ALMS1: variants seen among roughly 807,000 people sequenced by gnomAD.
ALMS1 encodes centrosome-associated protein ALMS1.
In ALMS1, 271 loss-of-function variants were observed where a neutral mutation model predicts 352.2. That is an observed-to-expected ratio of 0.77 (90% CI 0.70 to 0.85). ALMS1 has a LOEUF of 0.85. ALMS1 is among the 40% of genes least tolerant of loss of function. ALMS1 has a pLI of 0.00. For synonymous variants in ALMS1, 1,865 were observed against 1,761.2 expected (o/e 1.06, Z -1.48); for missense variants, 5,445 against 4,870.7 (o/e 1.12, Z -3.51).
chr2:73,594,288 G>A (rs1335323465), intron 16 of ALMS1, among the ~76,000 whole-genome samples: 1 of 152,050 alleles, frequency 6.6e-6, no homozygotes, highest in African/African-American at 2.4e-5. Flanking sequence ...TAATTATATT[G>A]GGTTGAGAGA....
Position 73,490,399 on chromosome 2 carries a change from A to G in ALMS1, c.8440A>G (p.Arg2814Gly). ...TTTTCAAGAAGAAAAACCCTTAGAA[A>G]GATCAGATTTTACAGGCAGTCATTC... ...RSFQEEKPLERSDFTGSHSEP... is the reference protein window; with the variant it reads ...RSFQEEKPLEGSDFTGSHSEP... The change falls in exon 10 of 23, where the codon AGA becomes GGA. Residue 2814 changes from arginine (R) to glycine (G), a missense_variant. By Grantham distance (125) the Arg-to-Gly change is moderately radical (BLOSUM62 -2). Coordinates refer to ENST00000613296, the MANE Select transcript of ALMS1 (RefSeq NM_001378454.1). 6.2e-7 allele frequency: 1 copy of G among 1,614,132 alleles called. No individual in the cohort carries two copies. Among genetic ancestry groups the G allele is most frequent in the Non-Finnish European group, 8.5e-7 (1 of 1,180,018 alleles).
chr2:73,485,940 G>A (rs1034109793), intron 9 of ALMS1, among the ~76,000 whole-genome samples: 1 of 151,810 alleles, frequency 6.6e-6, no homozygotes, highest in Non-Finnish European at 1.5e-5. Flanking sequence ...TCTCGCACAC[G>A]GTGCGCGCAC....
At chr2:73,387,482 G>T (rs1236115368) in intron 1 of ALMS1, among the ~76,000 whole-genome samples, 1 of 152,190 alleles carries the variant, frequency 6.6e-6, no homozygotes, top group Admixed American at 6.5e-5. Flanking sequence ...GACAGTTTAA[G>T]GTTAATCAGG....
At chr2:73,587,280 T>A (rs1314926619) in intron 16 of ALMS1, among the ~76,000 whole-genome samples, 1 of 152,186 alleles carries the variant, frequency 6.6e-6, no homozygotes, top group Non-Finnish European at 1.5e-5. Context: ...TTTTCTCTTG[T>A]CTGATTGCTT....
intron 9 of ALMS1, among the ~76,000 whole-genome samples, chr2:73,484,808 G>C (rs1030068596): frequency 1.3e-5 from 2 of 151,250 alleles, no homozygotes; most frequent in African/African-American, 2.4e-5. Flanking sequence ...TTCCCTTCTC[G>C]CTTCATTTCA....
chr2:73,519,964 G>C lies in ALMS1; in HGVS notation c.9729G>C (p.Lys3243Asn). ...GNQKLRKAPV[K>N]FASSSSVQQV... ...AGAAGCTACGCAAAGCTCCTGTCAAGTTTGCCTCATCATCTTCAGTCCAAC... is the reference window on the plus strand; with the variant it reads ...AGAAGCTACGCAAAGCTCCTGTCAACTTTGCCTCATCATCTTCAGTCCAAC... The change falls in exon 11 of 23, where the codon AAG becomes AAC. Residue 3243 changes from lysine (K) to asparagine (N), a missense_variant. Physicochemically the swap from Lys to Asn is moderately conservative, Grantham distance 94. Transcript: ENST00000613296. The C allele has an allele frequency of 6.2e-7, 1 of 1,614,086 alleles. No individual in the cohort carries two copies. Among genetic ancestry groups the C allele is most frequent in the Admixed American group, 1.7e-5 (1 of 60,012 alleles).
chr2:73,514,541 C>A (rs1160846125), intron 10 of ALMS1, among the ~76,000 whole-genome samples: 1 of 152,108 alleles, frequency 6.6e-6, no homozygotes, highest in Non-Finnish European at 1.5e-5. Flanking sequence ...GAACAAACAA[C>A]ATTCTTTTCC....
chr2:73,417,878 C>T (rs749905558), intron 2 of ALMS1, among the ~76,000 whole-genome samples: 2 of 152,038 alleles, frequency 1.3e-5, no homozygotes, highest in Admixed American at 6.6e-5. Flanking sequence ...GTATTTAATA[C>T]GACTTTAATT....
At chr2:73,485,517 G>A (rs1291675909) in intron 9 of ALMS1, among the ~76,000 whole-genome samples, 2 of 152,350 alleles carry the variant, frequency 1.3e-5, no homozygotes, top group South Asian at 2.1e-4. Context: ...AGAGGTTACT[G>A]CTGCTTTTTG....
intron 7 of ALMS1, among the ~76,000 whole-genome samples, chr2:73,435,603 T>G (rs1671589799): frequency 6.6e-6 from 1 of 151,708 alleles, no homozygotes; most frequent in South Asian, 2.1e-4. Context: ...TGCCTTTAAG[T>G]TTTTGTTTTT....
At chr2:73,517,393 A>G (rs1427668569) in intron 10 of ALMS1, among the ~76,000 whole-genome samples, 2 of 151,718 alleles carry the variant, frequency 1.3e-5, no homozygotes, top group South Asian at 2.1e-4. Context: ...TGCTGGGACT[A>G]TAGGCGCATG....
chr2:73,494,731 T>C (rs529147017), intron 10 of ALMS1, among the ~76,000 whole-genome samples: 96 of 152,368 alleles, frequency 6.3e-4, no homozygotes, highest in African/African-American at 2.2e-3. Context: ...TATGTTGATA[T>C]ACATTACTGG....
chr2:73,529,384 A>G (rs1012732380), intron 11 of ALMS1, among the ~76,000 whole-genome samples: 7 of 152,118 alleles, frequency 4.6e-5, no homozygotes, highest in African/African-American at 1.7e-4. Flanking sequence ...AAGGTTCCAC[A>G]TCTCTGTTTC....
At chr2:73,600,934 C>G in intron 18 of ALMS1, 53 bp downstream of exon 18, 4 of 1,561,460 alleles carry the variant, frequency 2.6e-6, no homozygotes, top group Non-Finnish European at 3.5e-6. Flanking sequence ...ATTTCAAGTC[C>G]CCTGCGATGC....
rs547563359 is a variant in ALMS1, at chr2:73,449,104, G to A, written c.2577G>A (p.Ala859=). 3.9e-5 allele frequency: 63 copies of A among 1,613,606 alleles called. No individual in the cohort carries two copies. The highest frequency in any genetic ancestry group is 1.1e-4 in the East Asian group (5 of 44,834). The stretch of plus-strand genomic sequence containing the variant: ...CAGCTGTAACCTCTACTTCCTCTGC[G>A]TCCTCTTCACTTGGAGAAAAGCCCA... The part of the protein sequence containing the change: ...GTPAVTSTSS[A]SSSLGEKPSA... The change falls in exon 8 of 23, where the codon GCG becomes GCA. Residue 859 remains alanine (A), a synonymous_variant. Coordinates refer to ENST00000613296, the MANE Select transcript of ALMS1 (RefSeq NM_001378454.1).
chr2:73,481,557 C>T (rs1157200037), intron 9 of ALMS1, among the ~76,000 whole-genome samples: 1 of 151,868 alleles, frequency 6.6e-6, no homozygotes, highest in Non-Finnish European at 1.5e-5. Flanking sequence ...CTTGGCGATG[C>T]AGGCTCTTTT....
At chr2:73,540,607 G>T (rs533596040) in intron 12 of ALMS1, among the ~76,000 whole-genome samples, 1 of 152,140 alleles carries the variant, frequency 6.6e-6, no homozygotes, top group African/African-American at 2.4e-5. Context: ...AGACCCATCC[G>T]TGTGCTGTAT....
At chr2:73,430,627 T>G (rs1405757785) in intron 6 of ALMS1, among the ~76,000 whole-genome samples, 1 of 152,188 alleles carries the variant, frequency 6.6e-6, no homozygotes, top group Non-Finnish European at 1.5e-5. Flanking sequence ...ATACTGTATT[T>G]TTACTGTACC....
rs150812565 is a variant in ALMS1, at chr2:73,579,760, G to A, written c.11547+6336G>A. Among the ~76,000 whole-genome samples the A allele has an allele frequency of 2.3e-4, 35 of 152,132 alleles. No homozygotes were observed. The East Asian group carries it at 4.8e-3, about 21-fold the overall frequency. On this transcript the variant is annotated intron_variant, in intron 16 of 22. Transcript: ENST00000613296. ...TGAGAAATTAGCAATTAATTTTACCGAGGATCCCTTCTGTGCTCGCCCTTA... is the reference window on the plus strand; with the variant it reads ...TGAGAAATTAGCAATTAATTTTACCAAGGATCCCTTCTGTGCTCGCCCTTA...
Sources: gnomAD v4.1 joint callset for allele counts (sites outside exome capture counted in the v4.1 genomes callset) on GRCh38, gnomAD v4.1.1 for gene constraint, MANE v1.5 for transcripts, NCBI Gene and HGNC (gene_info 2026-07-23, HGNC 2026-07-21) for gene names.